ITPRID2: variants seen among roughly 807,000 people sequenced by gnomAD.
The protein encoded by ITPRID2 is ITPR interacting domain containing 2, also known as protein ITPRID2.
Under a neutral mutation model 124.3 loss-of-function variants are expected in ITPRID2, and 60 were observed. That is an observed-to-expected ratio of 0.48 (90% confidence interval 0.39 to 0.60). ITPRID2 has a LOEUF of 0.60. Ranked by LOEUF, ITPRID2 falls within the 20% of genes least tolerant of loss-of-function variation. ITPRID2 has a pLI of 0.00. For missense variants in ITPRID2, 1,553 were observed against 1,512.2 expected (o/e 1.03, Z -0.45); for synonymous variants, 521 against 542.9 (o/e 0.96, Z 0.56).
At chr2:181,900,164 G>A (rs1440615577) in intron 6 of ITPRID2, among the ~76,000 whole-genome samples, 1 of 152,184 alleles carries the variant, frequency 6.6e-6, no homozygotes, top group Non-Finnish European at 1.5e-5. Context: ...TACTTCCTGA[G>A]TGGAAGTGGT....
intron 16 of ITPRID2, among the ~76,000 whole-genome samples, chr2:181,926,781 TATA>T (rs1694901792): frequency 6.6e-6 from 1 of 151,688 alleles, no homozygotes; most frequent in African/African-American, 2.4e-5. Context: ...AATAATGAGA[TATA>T]ATAAAATGGC....
At chr2:181,916,630 C>A in intron 11 of ITPRID2, 1 of 788,580 alleles carries the variant, frequency 1.3e-6, no homozygotes, top group Non-Finnish European at 1.9e-6. Context: ...TGATCAAAGT[C>A]GATTTCTCTG....
At position 181,916,408 on chromosome 2, in the gene ITPRID2, C is replaced by T; in HGVS notation, c.2768C>T (p.Ser923Leu). The change falls in exon 11 of 18, where the codon TCA becomes TTA. Residue 923 changes from serine to leucine, a missense_variant. Coordinates refer to ENST00000431877, the MANE Select transcript of ITPRID2 (RefSeq NM_001130445.3). ...AGAGTATTACATGATATTAGAAACT[C>T]ACTGCAGAATCTTTCACAGGTATGA... is the stretch of plus-strand genomic sequence containing the variant. ...LRRVLHDIRN[S>L]LQNLSQYPMM... The T allele has an allele frequency of 2.5e-6, 4 of 1,613,452 alleles. No individual in the cohort carries two copies. Among genetic ancestry groups the T allele is most frequent in the Non-Finnish European group, 2.5e-6 (3 of 1,179,504 alleles).
chr2:181,908,882 C>T (rs1278936655), intron 8 of ITPRID2, among the ~76,000 whole-genome samples: 1 of 151,898 alleles, frequency 6.6e-6, no homozygotes, highest in African/African-American at 2.4e-5. Flanking sequence ...GTTGAAAACC[C>T]ATATGTTCAG....
Position 181,892,731 on chromosome 2 carries a change from C to G in ITPRID2, c.257+71C>G, listed in dbSNP as rs1323593686. ...GACGGGACGCCGGAGCAGAGCCACT[C>G]GGGCCGCGTCCCTGTGGGTCCCGCG... On this transcript the variant is annotated intron_variant, in intron 2 of 17. Coordinates refer to ENST00000431877, the MANE Select transcript of ITPRID2 (RefSeq NM_001130445.3). The surrounding 1 kb of genome is among the most constrained non-coding windows in gnomAD (Gnocchi z 5.2). The G allele has an allele frequency of 6.3e-7, 1 of 1,579,230 alleles. No individual in the cohort carries two copies. The highest frequency in any genetic ancestry group is 2.2e-5 in the East Asian group (1 of 44,526).
Position 181,915,999 on chromosome 2 carries a change from G to A in ITPRID2, c.2359G>A (p.Val787Met), listed in dbSNP as rs202023669. ...PEEEQELEKRVMEHDGQSLVK... is the reference protein window; with the variant it reads ...PEEEQELEKRMMEHDGQSLVK... ...AGAGGAGCAGGAATTGGAAAAGCGGGTGATGGAACATGATGGTCAGTCTTT... is the reference window on the plus strand; with the variant it reads ...AGAGGAGCAGGAATTGGAAAAGCGGATGATGGAACATGATGGTCAGTCTTT... Residue 787 changes from valine (V) to methionine (M), a missense_variant, in exon 11 of 18, where the codon GTG (valine) becomes ATG (methionine). Val to Met is a conservative substitution (Grantham distance 21, BLOSUM62 1). Coordinates refer to ENST00000431877, the MANE Select transcript of ITPRID2 (RefSeq NM_001130445.3). The A allele has an allele frequency of 6.4e-5, 104 of 1,614,196 alleles. No homozygotes were observed. The highest frequency in any genetic ancestry group is 5.8e-4 in the Admixed American group (35 of 60,032).
chr2:181,914,139 A>G, intron 10 of ITPRID2, among the ~76,000 whole-genome samples: 1 of 152,328 alleles, frequency 6.6e-6, no homozygotes, highest in Non-Finnish European at 1.5e-5. Flanking sequence ...GTTTTTAAAA[A>G]TATCTATCTT....
At chr2:181,911,819 C>T (rs941515026) in intron 9 of ITPRID2, among the ~76,000 whole-genome samples, 1 of 152,162 alleles carries the variant, frequency 6.6e-6, no homozygotes, top group Non-Finnish European at 1.5e-5. Context: ...ATTATTATCT[C>T]GTTTTGCAGA....
At chr2:181,911,830 GGAGAGAAGCTATATT>G (rs1693631266) in intron 9 of ITPRID2, among the ~76,000 whole-genome samples, 1 of 152,176 alleles carries the variant, frequency 6.6e-6, no homozygotes, top group Admixed American at 6.5e-5. Flanking sequence ...GTTTTGCAGA[GGAGAGAAGCTATATT>G]GCTTATGACG....
In ITPRID2 at chr2:181,896,228, G is replaced by GT; in HGVS notation, c.307+151dup. 1.5e-6 allele frequency: 1 copy of GT among 681,360 alleles called. No homozygotes were observed. The highest frequency in any genetic ancestry group is 1.8e-5 in the African/African-American group (1 of 55,244). The allele number at this position is 681,360 out of a possible 1,614,324, so 42.2% of individuals were successfully genotyped here. A position where few individuals can be genotyped will look rare whatever the true frequency, so the allele number is the denominator to read the frequency against. ...GCTAGAAGCAAAATGGAGAAACTTT[G>GT]TTATAAACCGTAAAACAGTAGGGAG... On this transcript the variant is annotated intron_variant, in intron 3 of 17. Coordinates refer to ENST00000431877, the MANE Select transcript of ITPRID2 (RefSeq NM_001130445.3). This position sits in a 1 kb window ranked among gnomAD's most constrained non-coding sequence, Gnocchi z 4.3.
chr2:181,916,148 A>G lies in ITPRID2; in HGVS notation c.2508A>G (p.Pro836=), dbSNP rs1041673876. 2 of 1,614,098 alleles carry G rather than the reference A, an allele frequency of 1.2e-6. No homozygotes were observed. The highest frequency in any genetic ancestry group is 2.7e-5 in the African/African-American group (2 of 74,932). Reference sequence around the variant, plus strand: ...CTCCTACCTGTTCACGGCTTGCTCCACCACCAATGTCTCAGTCTACCTGTT... The same window carrying G: ...CTCCTACCTGTTCACGGCTTGCTCCGCCACCAATGTCTCAGTCTACCTGTT... ...GRTPTCSRLA[P]PPMSQSTCSL... is the part of the protein sequence containing the mutation. Residue 836 remains proline (P), a synonymous_variant, in exon 11 of 18, where the codon CCA becomes CCG. Transcript: ENST00000431877.
Position 181,892,164 on chromosome 2 carries a change from C to G in ITPRID2, c.98C>G (p.Ser33Cys). Residue 33 changes from serine (S) to cysteine (C), a missense_variant, in exon 1 of 18, where the codon TCC becomes TGC. Transcript: ENST00000431877. This position sits in a 1 kb window ranked among gnomAD's most constrained non-coding sequence, Gnocchi z 5.2. The part of the protein sequence containing the change: ...RRKAWAKCRS[S>C]WQASETEDLS... ...AAGGCCTGGGCCAAGTGCCGCAGCT[C>G]CTGGCAAGCGTCGGAGACGGAGGAT... 1 of 1,555,384 alleles carries G rather than the reference C, an allele frequency of 6.4e-7. No individual in the cohort carries two copies. Among genetic ancestry groups the G allele is most frequent in the African/African-American group, 1.4e-5 (1 of 73,448 alleles).
At chr2:181,895,063 C>G (rs1178747733) in intron 2 of ITPRID2, among the ~76,000 whole-genome samples, 1 of 152,014 alleles carries the variant, frequency 6.6e-6, no homozygotes, top group African/African-American at 2.4e-5. Flanking sequence ...GTTTCAAAAG[C>G]ACTAAGTTTT....
Position 181,910,758 on chromosome 2 carries a change from T to C in ITPRID2, c.1486+787T>C. ...GTTGTCTCCTGATCTCTGAAATTAC[T>C]TCACAGGAGACAATTTGCATAAATT... is the stretch of plus-strand genomic sequence containing the variant. On this transcript the variant is annotated intron_variant, in intron 9 of 17. Transcript: ENST00000431877. The surrounding 1 kb of genome is among the most constrained non-coding windows in gnomAD (Gnocchi z 4.1). 1 of 516,822 alleles carries C rather than the reference T, an allele frequency of 1.9e-6. No individual in the cohort carries two copies. The highest frequency in any genetic ancestry group is 3.5e-6 in the Non-Finnish European group (1 of 286,558). The allele number at this position is 516,822 out of a possible 1,614,324, so 32.0% of individuals were successfully genotyped here.
chr2:181,916,050 C>A lies in ITPRID2; in HGVS notation c.2410C>A (p.Pro804Thr), dbSNP rs540962657. Residue 804 changes from proline (P) to threonine (T), a missense_variant, in exon 11 of 18, where the codon CCA (proline) becomes ACA (threonine). Pro to Thr is a conservative substitution (Grantham distance 38, BLOSUM62 -1). Coordinates refer to ENST00000431877, the MANE Select transcript of ITPRID2 (RefSeq NM_001130445.3). ...SLVKSTIFIS[P>T]SSVKKEEAPQ... The stretch of plus-strand genomic sequence containing the variant: ...AGTTAAATCGACCATTTTCATCTCT[C>A]CATCATCTGTGAAGAAAGAAGAAGC... 6.2e-7 allele frequency: 1 copy of A among 1,614,078 alleles called. No homozygotes were observed. Among genetic ancestry groups the A allele is most frequent in the Admixed American group, 1.7e-5 (1 of 60,002 alleles).
In ITPRID2 at chr2:181,903,595, T is replaced by C. The variant is rs140430040; in HGVS notation, c.1413+1129T>C. The stretch of plus-strand genomic sequence containing the variant: ...TTGCTGATACAGATTTTTGCCTTTT[T>C]GTGGTCTGTTAATACTTTAATTACA... On this transcript the variant is annotated intron_variant, in intron 8 of 17. Coordinates refer to ENST00000431877, the MANE Select transcript of ITPRID2 (RefSeq NM_001130445.3). 3.4e-3 allele frequency among the ~76,000 whole-genome samples: 518 copies of C among 152,290 alleles called. 2 individuals carry two copies. The highest frequency in any genetic ancestry group is 0.012 in the African/African-American group (494 of 41,564).
At chr2:181,924,687 G>A (rs1694722122) in intron 16 of ITPRID2, among the ~76,000 whole-genome samples, 1 of 152,202 alleles carries the variant, frequency 6.6e-6, no homozygotes, top group Admixed American at 6.5e-5. Context: ...TTTAAAAAGA[G>A]GGTTTTCATC....
In ITPRID2 at chr2:181,916,692, C is replaced by T. The variant is rs13419647; in HGVS notation, c.2787+265C>T. The T allele has an allele frequency of 5.6e-3, 3,936 of 708,864 alleles. 114 individuals are homozygous for T. The African/African-American group carries it at 0.062, about 11-fold the overall frequency. 43.9% of individuals were successfully genotyped at this position (708,864 alleles called of 1,614,324 possible). Reference sequence around the variant, plus strand: ...GGAGAGATTTTTCTCGTTAAGTATCCTCCCATTTTTAGTCTATCATCCACT... The same window carrying T: ...GGAGAGATTTTTCTCGTTAAGTATCTTCCCATTTTTAGTCTATCATCCACT... On this transcript the variant is annotated intron_variant, in intron 11 of 17. Transcript: ENST00000431877.
rs1346892340 is a variant in ITPRID2, at chr2:181,919,583, C to T, written c.3144+137C>T. The stretch of plus-strand genomic sequence containing the variant: ...GCATGCATACTGTTTAAGGAGCTTT[C>T]CCACAAATCAGTTGAATGTACAATT... On this transcript the variant is annotated intron_variant, in intron 14 of 17. Coordinates refer to ENST00000431877, the MANE Select transcript of ITPRID2 (RefSeq NM_001130445.3). The surrounding 1 kb of genome is among the most constrained non-coding windows in gnomAD (Gnocchi z 4.2). The T allele has an allele frequency of 1.2e-6, 1 of 846,802 alleles. No individual in the cohort carries two copies. The highest frequency in any genetic ancestry group is 1.6e-6 in the Non-Finnish European group (1 of 608,604). The allele number at this position is 846,802 out of a possible 1,614,324, so 52.5% of individuals were successfully genotyped here. A position where few individuals can be genotyped will look rare whatever the true frequency, so the allele number is the denominator to read the frequency against.
Sources: allele counts gnomAD v4.1 joint callset (sites outside exome capture counted in the v4.1 genomes callset), GRCh38; gene constraint gnomAD v4.1.1; non-coding constraint Gnocchi (gnomAD v3.1); transcripts MANE v1.5; gene names NCBI Gene and HGNC (gene_info 2026-07-23, HGNC 2026-07-21).